The following SSBP2 variants were observed in gnomAD, a reference collection of about 807,000 sequenced individuals.
SSBP2 encodes the protein single stranded DNA binding protein 2, also known as single-stranded DNA-binding protein 2.
Under a neutral mutation model 61.8 loss-of-function variants are expected in SSBP2, and 17 were observed. That is an observed-to-expected ratio of 0.28 (90% CI 0.19 to 0.41). SSBP2 has a LOEUF of 0.41. SSBP2 is among the 10% of genes least tolerant of loss of function. The probability of loss-of-function intolerance (pLI) is 1.00; values close to 1 mark genes in which losing one functional copy is unlikely to be tolerated. For missense variants in SSBP2, 310 were observed against 458.7 expected, an observed-to-expected ratio of 0.68 and a Z score of 2.96; for synonymous variants, 139 against 141.3, an observed-to-expected ratio of 0.98 and a Z score of 0.12.
At position 81,548,542 on chromosome 5, in the gene SSBP2, A is replaced by T. The variant is rs78768689; in HGVS notation, c.283-34825T>A. Reference sequence around the variant, plus strand: ...TTCTGCCCAAGTAGTACTTCATGACATTTGTATGTATTAAAGTGAAATGAC... The same window carrying T: ...TTCTGCCCAAGTAGTACTTCATGACTTTTGTATGTATTAAAGTGAAATGAC... On this transcript the variant is annotated intron_variant, in intron 4 of 16. Coordinates refer to ENST00000320672, the MANE Select transcript of SSBP2 (RefSeq NM_012446.5). Among the ~76,000 whole-genome samples the T allele has an allele frequency of 6.0e-3, 914 of 152,320 alleles. 8 individuals are homozygous for T. Among genetic ancestry groups the T allele is most frequent in the African/African-American group, 0.021 (854 of 41,560 alleles).
At chr5:81,462,163 G>A (rs1764587509) in intron 9 of SSBP2, among the ~76,000 whole-genome samples, 1 of 151,908 alleles carries the variant, frequency 6.6e-6, no homozygotes, top group African/African-American at 2.4e-5. Flanking sequence ...GATAGCTGAT[G>A]AGCTAATAAA....
At chr5:81,594,234 A>G (rs1743459033) in intron 4 of SSBP2, among the ~76,000 whole-genome samples, 1 of 152,236 alleles carries the variant, frequency 6.6e-6, no homozygotes, top group South Asian at 2.1e-4. Flanking sequence ...AAAGATGAAA[A>G]GAGACAAAGA....
intron 2 of SSBP2, among the ~76,000 whole-genome samples, chr5:81,643,849 C>T (rs956049568): frequency 1.3e-5 from 2 of 151,874 alleles, no homozygotes; most frequent in East Asian, 1.9e-4. Context: ...GCAATCTGCC[C>T]GCGTCAGCCT....
intron 4 of SSBP2, among the ~76,000 whole-genome samples, chr5:81,598,714 T>C (rs1300388219): frequency 6.6e-6 from 1 of 152,182 alleles, no homozygotes; most frequent in African/African-American, 2.4e-5. Context: ...AAATCAAAAC[T>C]TCTTAATTGG....
At chr5:81,496,645 T>G (rs1443301987) in intron 5 of SSBP2, among the ~76,000 whole-genome samples, 1 of 152,230 alleles carries the variant, frequency 6.6e-6, no homozygotes, top group Non-Finnish European at 1.5e-5. Context: ...TATAATAAAA[T>G]ATTACTTATG....
At chr5:81,518,963 C>T (rs1237419261) in intron 4 of SSBP2, among the ~76,000 whole-genome samples, 1 of 152,090 alleles carries the variant, frequency 6.6e-6, no homozygotes, top group African/African-American at 2.4e-5. Context: ...GCTTGATCAT[C>T]ATGCATGATG....
chr5:81,586,050 G>A (rs948238434), intron 4 of SSBP2, among the ~76,000 whole-genome samples: 2 of 152,106 alleles, frequency 1.3e-5, no homozygotes, highest in Non-Finnish European at 2.9e-5. Context: ...AACTACTGAC[G>A]GATACGTAGG....
Position 81,697,641 on chromosome 5 carries a change from C to T in SSBP2, c.63-47302G>A, listed in dbSNP as rs986851025. Among the ~76,000 whole-genome samples, 11 of 152,266 alleles carry T rather than the reference C, an allele frequency of 7.2e-5. No homozygotes were observed. In the East Asian group the frequency reaches 2.1e-3, roughly 29 times the overall value. ...CCAAATATTCTTAATCTTATCTTTT[C>T]TAGAACTACTTAGGACAAAATTTTG... On this transcript the variant is annotated intron_variant, in intron 1 of 16. Coordinates refer to ENST00000320672, the MANE Select transcript of SSBP2 (RefSeq NM_012446.5).
chr5:81,615,697 C>A (rs866956153), intron 3 of SSBP2, 140 bp from the exon 4 acceptor site: 18 of 585,316 alleles, frequency 3.1e-5, no homozygotes, highest in South Asian at 9.5e-5. Context: ...AAGACTTAAA[C>A]GCAAGCAAGG....
At chr5:81,687,834 T>C (rs1029062983) in intron 1 of SSBP2, among the ~76,000 whole-genome samples, 2 of 152,166 alleles carry the variant, frequency 1.3e-5, no homozygotes, top group East Asian at 1.9e-4. Context: ...CCTTGGGGCC[T>C]GAATAATCAG....
intron 1 of SSBP2, among the ~76,000 whole-genome samples, chr5:81,671,523 G>C (rs1282113504): frequency 6.6e-6 from 1 of 152,006 alleles, no homozygotes; most frequent in Non-Finnish European, 1.5e-5. Context: ...TAACAATTTA[G>C]TACCATAAGG....
At chr5:81,454,571 C>T (rs1764000691) in intron 10 of SSBP2, among the ~76,000 whole-genome samples, 1 of 151,990 alleles carries the variant, frequency 6.6e-6, no homozygotes, top group Admixed American at 6.6e-5. Context: ...ATCCTAGCTA[C>T]TCGGGAGCCT....
intron 14 of SSBP2, among the ~76,000 whole-genome samples, chr5:81,438,388 A>G (rs1323174144): frequency 6.6e-6 from 1 of 151,900 alleles, no homozygotes; most frequent in Non-Finnish European, 1.5e-5. Flanking sequence ...TACATTAGGT[A>G]ACAGAACAAT....
chr5:81,615,195 C>A, intron 4 of SSBP2: 1 of 238,062 alleles, frequency 4.2e-6, no homozygotes, highest in Admixed American at 5.2e-5. Context: ...ATTTAATTTT[C>A]ATAAAATCTG....
chr5:81,560,362 C>T (rs1772950073), intron 4 of SSBP2, among the ~76,000 whole-genome samples: 1 of 149,498 alleles, frequency 6.7e-6, no homozygotes, highest in African/African-American at 2.6e-5. Context: ...TGGCTATAAA[C>T]TCTGTACTGC....
chr5:81,462,564 G>A (rs1764614829), intron 9 of SSBP2, among the ~76,000 whole-genome samples: 1 of 152,120 alleles, frequency 6.6e-6, no homozygotes, highest in Non-Finnish European at 1.5e-5. Context: ...TGTATTGATT[G>A]TCTTTGGAAA....
chr5:81,620,806 C>A (rs1746509878), intron 3 of SSBP2, among the ~76,000 whole-genome samples: 1 of 7,228 alleles, frequency 1.4e-4, no homozygotes, highest in East Asian at 1.8e-3. Context: ...TGCCACATAT[C>A]TACAACTATC....
At chr5:81,461,917 A>C (rs1198238056) in intron 9 of SSBP2, among the ~76,000 whole-genome samples, 1 of 152,212 alleles carries the variant, frequency 6.6e-6, no homozygotes, top group African/African-American at 2.4e-5. Context: ...ACCTGAATAA[A>C]GACTGTCTTA....
At position 81,615,536 on chromosome 5, in the gene SSBP2, A is replaced by G. The variant is rs767407029; in HGVS notation, c.219T>C (p.Cys73=). 2 of 1,613,340 alleles carry G rather than the reference A, an allele frequency of 1.2e-6. No homozygotes were observed. The highest frequency in any genetic ancestry group is 4.5e-5 in the East Asian group (2 of 44,806). ...ATGTTTCACGTCTCTCTGGAGCTGC[A>G]CAGTAGAGATCCCAAAATACACTAA... The change falls in exon 4 of 17, where the codon TGT becomes TGC. Residue 73 remains cysteine, a synonymous_variant. Transcript: ENST00000320672.
Sources: allele counts gnomAD v4.1 joint callset (sites outside exome capture counted in the v4.1 genomes callset), GRCh38; gene constraint gnomAD v4.1.1; transcripts MANE v1.5; gene names NCBI Gene and HGNC (gene_info 2026-07-23, HGNC 2026-07-21).